The following COL4A5 variants were observed in gnomAD, a reference collection of about 807,000 sequenced individuals.
COL4A5 encodes collagen alpha-5(IV) chain.
Under a neutral mutation model 130.2 loss-of-function variants are expected in COL4A5, and 26 were observed. The observed-to-expected ratio is 0.20, with a 90% CI of 0.15 to 0.28. The LOEUF (loss-of-function observed/expected upper bound fraction) is 0.28, where lower values mean the gene tolerates loss of function less well. Ranked by LOEUF, COL4A5 falls within the 10% of genes least tolerant of loss-of-function variation. The pLI is 1.00. For missense variants in COL4A5, 1,131 were observed against 1,344.3 expected (o/e 0.84, Z 2.48); for synonymous variants, 496 against 439.6 (o/e 1.13, Z -1.60).
intron 1 of COL4A5, among the ~76,000 whole-genome samples, chrX:108,458,126 C>T (rs2147483753): frequency 8.9e-6 from 1 of 111,875 alleles, no homozygotes; most frequent in South Asian, 3.7e-4. Context: ...TTTCTGTCCC[C>T]TTTATAAGAA....
Position 108,584,310 on chromosome X carries a change from C to A in COL4A5, c.991-174C>A, listed in dbSNP as rs73526296. Among the ~76,000 whole-genome samples, 11,504 of 110,301 alleles carry A rather than the reference C, an allele frequency of 0.1. 1,285 individuals are homozygous for A. The highest frequency in any genetic ancestry group is 0.34 in the African/African-American group (10,155 of 30,262). Reference sequence around the variant, plus strand: ...TTACATAGCTAGTAAATCTGAGACACCATCACAGGTTAGGCTTAGCTCAGA... The same window carrying A: ...TTACATAGCTAGTAAATCTGAGACAACATCACAGGTTAGGCTTAGCTCAGA... On this transcript the variant is annotated intron_variant, in intron 17 of 52. Coordinates refer to ENST00000328300, the MANE Select transcript of COL4A5 (RefSeq NM_033380.3).
chrX:108,559,659 C>A (rs1315525833), intron 3 of COL4A5, among the ~76,000 whole-genome samples: 3 of 111,739 alleles, frequency 2.7e-5, no homozygotes, highest in African/African-American at 9.8e-5. Context: ...GAGCTCAGAA[C>A]GAAAAGCTCC....
chrX:108,636,187 C>T (rs1273235738), intron 36 of COL4A5, among the ~76,000 whole-genome samples: 1 of 111,716 alleles, frequency 9.0e-6, no homozygotes, highest in Non-Finnish European at 1.9e-5. Context: ...AAGAATGAAT[C>T]TGGACCCCTA....
At chrX:108,504,636 C>T (rs944271883) in intron 1 of COL4A5, among the ~76,000 whole-genome samples, 5 of 112,233 alleles carry the variant, frequency 4.5e-5, no homozygotes, top group Non-Finnish European at 9.4e-5. Context: ...AACATGGAAT[C>T]ATGCTCAATA....
intron 3 of COL4A5, among the ~76,000 whole-genome samples, chrX:108,561,047 T>C (rs894808544): frequency 1.8e-5 from 2 of 111,665 alleles, no homozygotes; most frequent in Non-Finnish European, 3.8e-5. Flanking sequence ...TCAGAGTCAA[T>C]TGTTGCAATC....
chrX:108,655,825 C>T (rs1329755213), intron 37 of COL4A5, among the ~76,000 whole-genome samples: 1 of 112,592 alleles, frequency 8.9e-6, no homozygotes, highest in African/African-American at 3.2e-5. Flanking sequence ...TGCCCAGGCA[C>T]ACCGCTGGTA....
intron 1 of COL4A5, among the ~76,000 whole-genome samples, chrX:108,529,477 AAAAG>A (rs1442695898): frequency 1.5e-4 from 17 of 112,017 alleles, no homozygotes; most frequent in Non-Finnish European, 2.3e-4. Context: ...TAAAAAGAGA[AAAAG>A]AAATAAACAA....
chrX:108,572,455 G>A (rs1196095770), intron 8 of COL4A5, among the ~76,000 whole-genome samples: 3 of 111,305 alleles, frequency 2.7e-5, no homozygotes, highest in African/African-American at 9.8e-5. Flanking sequence ...TCTCAAATTT[G>A]CATCTTTATA....
chrX:108,557,927 A>G (rs1278020647), intron 2 of COL4A5, among the ~76,000 whole-genome samples: 2 of 108,261 alleles, frequency 1.8e-5, no homozygotes, highest in Non-Finnish European at 3.8e-5. Flanking sequence ...GTTCTTTTAT[A>G]TATATATATA....
chrX:108,467,315 T>C (rs1391043366), intron 1 of COL4A5, among the ~76,000 whole-genome samples: 1 of 112,173 alleles, frequency 8.9e-6, no homozygotes, highest in African/African-American at 3.2e-5. Context: ...TTACCATTGA[T>C]GTATGGGCTT....
At chrX:108,654,193 A>C (rs1378093587) in intron 36 of COL4A5, among the ~76,000 whole-genome samples, 3 of 112,622 alleles carry the variant, frequency 2.7e-5, no homozygotes, top group African/African-American at 9.7e-5. Flanking sequence ...TTATTGGGAA[A>C]AACTTGTTTT....
chrX:108,660,701 G>A (rs1244343425), intron 37 of COL4A5, among the ~76,000 whole-genome samples: 3 of 111,281 alleles, frequency 2.7e-5, no homozygotes, highest in East Asian at 5.6e-4. Context: ...TCTTTTTGTT[G>A]TGGTTAGTTA....
intron 36 of COL4A5, among the ~76,000 whole-genome samples, chrX:108,640,282 A>AAAT (rs2147902019): frequency 8.9e-6 from 1 of 111,921 alleles, no homozygotes; most frequent in African/African-American, 3.2e-5. Flanking sequence ...GAAATAAGCC[A>AAAT]GTTATAAAAA....
chrX:108,591,674 A>C (rs774182696), intron 21 of COL4A5, 30 bp downstream of exon 21: 1 of 1,080,030 alleles, frequency 9.3e-7, no homozygotes, highest in Non-Finnish European at 1.3e-6. Flanking sequence ...TCATTCCTTC[A>C]TTTTCTTCAT....
At chrX:108,652,169 T>C (rs889484088) in intron 36 of COL4A5, among the ~76,000 whole-genome samples, 5 of 112,081 alleles carry the variant, frequency 4.5e-5, no homozygotes, top group African/African-American at 6.5e-5. Context: ...ATTGTGCTTA[T>C]GGTATCATGG....
At chrX:108,531,786 TC>T (rs1483831727) in intron 1 of COL4A5, among the ~76,000 whole-genome samples, 2 of 111,432 alleles carry the variant, frequency 1.8e-5, no homozygotes, top group Non-Finnish European at 3.8e-5. Context: ...ATACACAAGA[TC>T]ATCAGAGATT....
At chrX:108,595,778 T>C (rs1250881632) in intron 22 of COL4A5, among the ~76,000 whole-genome samples, 177 bp downstream of exon 22, 1 of 112,869 alleles carries the variant, frequency 8.9e-6, no homozygotes, top group Non-Finnish European at 1.9e-5. Context: ...TTCTAATACC[T>C]GAAGCTACCA....
intron 12 of COL4A5, 66 bp from the exon 13 acceptor site, chrX:108,578,225 C>T: frequency 9.0e-7 from 1 of 1,107,199 alleles, no homozygotes; most frequent in Non-Finnish European, 1.2e-6. Flanking sequence ...TCTTATCTTA[C>T]ATGTTATATT....
chrX:108,534,138 G>A (rs1488226091), intron 1 of COL4A5, among the ~76,000 whole-genome samples: 2 of 106,204 alleles, frequency 1.9e-5, no homozygotes, highest in Non-Finnish European at 3.9e-5. Flanking sequence ...ATATTTAAAA[G>A]AAAGAGAGAA....
Sources: allele counts gnomAD v4.1 joint callset (sites outside exome capture counted in the v4.1 genomes callset), GRCh38; gene constraint gnomAD v4.1.1; transcripts MANE v1.5; gene names NCBI Gene and HGNC (gene_info 2026-07-23, HGNC 2026-07-21).